CTNNA3: variants seen among roughly 807,000 people sequenced by gnomAD.
The protein encoded by CTNNA3 is catenin alpha 3, also known as catenin alpha-3.
Under a neutral mutation model 95.7 loss-of-function variants are expected in CTNNA3, and 76 were observed. The observed-to-expected ratio is 0.79, with a 90% CI of 0.66 to 0.96. The LOEUF (loss-of-function observed/expected upper bound fraction) is 0.96. Among genes scored for constraint, CTNNA3 ranks in the 40% least tolerant of loss-of-function variants. The pLI is 0.00. For missense variants in CTNNA3, 1,191 were observed against 1,089.8 expected (o/e 1.09, Z -1.31); for synonymous variants, 431 against 374.4 (o/e 1.15, Z -1.74).
intron 7 of CTNNA3, among the ~76,000 whole-genome samples, chr10:67,042,964 C>T (rs908850096): frequency 1.3e-5 from 2 of 151,942 alleles, no homozygotes; most frequent in African/African-American, 4.8e-5. Flanking sequence ...GAAAACTGAG[C>T]AGCTAGGTCT....
intron 14 of CTNNA3, among the ~76,000 whole-genome samples, chr10:66,089,759 A>AATATATATAT (rs35629436): frequency 1.3e-5 from 2 of 148,856 alleles, no homozygotes; most frequent in Non-Finnish European, 3.0e-5. Context: ...ATCTCAGAGA[A>AATATATATAT]ATATATATAT....
chr10:66,358,104 T>A (rs1242876063), intron 12 of CTNNA3, among the ~76,000 whole-genome samples: 1 of 152,176 alleles, frequency 6.6e-6, no homozygotes, highest in Non-Finnish European at 1.5e-5. Flanking sequence ...CCTGTTTCAT[T>A]CTTGATATTA....
intron 5 of CTNNA3, among the ~76,000 whole-genome samples, chr10:67,473,907 A>G (rs563105157): frequency 1.3e-5 from 2 of 152,268 alleles, no homozygotes; most frequent in South Asian, 4.1e-4. Context: ...GAGCCTTGAC[A>G]GGAATGTAGC....
intron 12 of CTNNA3, among the ~76,000 whole-genome samples, chr10:66,368,544 CTT>C (rs1283990633): frequency 1.3e-5 from 2 of 151,946 alleles, no homozygotes; most frequent in African/African-American, 4.8e-5. Context: ...TCAGTTTACT[CTT>C]GTGTTAGCTT....
At chr10:65,937,808 T>C (rs1589148675) in intron 17 of CTNNA3, among the ~76,000 whole-genome samples, 1 of 152,188 alleles carries the variant, frequency 6.6e-6, no homozygotes, top group African/African-American at 2.4e-5. Flanking sequence ...TAAAAGATTC[T>C]GGAGAAATGA....
At chr10:67,245,626 G>A (rs1393044193) in intron 5 of CTNNA3, among the ~76,000 whole-genome samples, 7 of 152,092 alleles carry the variant, frequency 4.6e-5, no homozygotes, top group African/African-American at 7.2e-5. Context: ...TTGGGAGGCC[G>A]AGGCGGGCGG....
intron 7 of CTNNA3, among the ~76,000 whole-genome samples, chr10:67,136,548 G>T (rs1860315841): frequency 6.6e-6 from 1 of 151,566 alleles, no homozygotes; most frequent in Non-Finnish European, 1.5e-5. Context: ...TAGAAAAAGA[G>T]AAAGAGAGAA....
intron 13 of CTNNA3, among the ~76,000 whole-genome samples, chr10:66,121,348 G>C (rs924209814): frequency 6.6e-6 from 1 of 152,110 alleles, no homozygotes; most frequent in African/African-American, 2.4e-5. Flanking sequence ...GCTAGTTGTA[G>C]CTAGAAATAG....
At chr10:66,976,920 T>A (rs7073258) in intron 7 of CTNNA3, among the ~76,000 whole-genome samples, 4,629 of 152,296 alleles carry the variant, frequency 0.03, 237 homozygotes, top group African/African-American at 0.11. Context: ...GTGCTTATCA[T>A]TTGGTTACTG....
At chr10:67,742,453 C>T (rs11497973) in intron 1 of CTNNA3, among the ~76,000 whole-genome samples, 19,110 of 150,868 alleles carry the variant, frequency 0.13, 1,866 homozygotes, top group Non-Finnish European at 0.16. Context: ...TTGAAACCAA[C>T]GAGAACAAAG....
chr10:66,648,165 C>A (rs1272319935), intron 9 of CTNNA3, among the ~76,000 whole-genome samples: 1 of 152,140 alleles, frequency 6.6e-6, no homozygotes, highest in African/African-American at 2.4e-5. Context: ...TAAACCCTGA[C>A]AGCTCATTAG....
chr10:67,139,846 A>C (rs903112142), intron 7 of CTNNA3, among the ~76,000 whole-genome samples: 1 of 152,236 alleles, frequency 6.6e-6, no homozygotes, highest in Non-Finnish European at 1.5e-5. Flanking sequence ...TTAAAAGTTC[A>C]GAAAAAAATG....
intron 5 of CTNNA3, among the ~76,000 whole-genome samples, chr10:67,471,219 T>C (rs1269254360): frequency 2.0e-5 from 3 of 152,194 alleles, no homozygotes; most frequent in Non-Finnish European, 2.9e-5. Flanking sequence ...ACATGGTAGA[T>C]ACCAATAGCA....
Position 67,566,041 on chromosome 10 carries a change from G to GTATATATATATATATATATATATA in CTNNA3, c.293-26373_293-26372insTATATATATATATATATATATATA, listed in dbSNP as rs1388066358. Among the ~76,000 whole-genome samples, 85 of 29,350 alleles carry GTATATATATATATATATATATATA rather than the reference G, an allele frequency of 2.9e-3. 1 individual carries two copies. The highest frequency in any genetic ancestry group is 5.6e-3 in the African/African-American group (41 of 7,320). The allele number at this position is 29,350 out of a possible 152,430, so 19.3% of individuals were successfully genotyped here. ...AACACACACACACACATATGTGTGTGTGTATATATATATATATATATATAT... is the reference window on the plus strand; with the variant it reads ...AACACACACACACACATATGTGTGTGTATATATATATATATATATATATATGTATATATATATATATATATATAT... On this transcript the variant is annotated intron_variant, in intron 3 of 17. Coordinates refer to ENST00000433211, the MANE Select transcript of CTNNA3 (RefSeq NM_013266.4).
At chr10:66,610,142 A>G (rs1022334494) in intron 10 of CTNNA3, among the ~76,000 whole-genome samples, 8 of 152,106 alleles carry the variant, frequency 5.3e-5, no homozygotes, top group Admixed American at 3.9e-4. Context: ...GAAAATAACT[A>G]ATGGGTACTA....
At position 67,102,437 on chromosome 10, in the gene CTNNA3, C is replaced by T. The variant is rs570099429; in HGVS notation, c.1047+77880G>A. On this transcript the variant is annotated intron_variant, in intron 7 of 17. Coordinates refer to ENST00000433211, the MANE Select transcript of CTNNA3 (RefSeq NM_013266.4). ...AGTTTTATTGTGAGATAGGAGGCAA[C>T]TTATATTTAATTTATTTAGGGTAAA... is the stretch of plus-strand genomic sequence containing the variant. Among the ~76,000 whole-genome samples the T allele has an allele frequency of 3.3e-5, 5 of 151,792 alleles. No individual in the cohort carries two copies. In the South Asian group the frequency reaches 1.0e-3, roughly 32 times the overall value.
At chr10:66,468,140 G>A (rs533958057) in intron 11 of CTNNA3, among the ~76,000 whole-genome samples, 6 of 152,056 alleles carry the variant, frequency 3.9e-5, no homozygotes, top group South Asian at 2.1e-4. Context: ...TTGGCTGTCC[G>A]AAGGAGCATG....
chr10:66,893,299 C>T (rs1376030710), intron 7 of CTNNA3, among the ~76,000 whole-genome samples: 1 of 152,014 alleles, frequency 6.6e-6, no homozygotes, highest in Non-Finnish European at 1.5e-5. Context: ...TGATTAACCG[C>T]TTACATAAAA....
chr10:67,489,767 G>A (rs374751364), intron 5 of CTNNA3, among the ~76,000 whole-genome samples: 2 of 146,804 alleles, frequency 1.4e-5, no homozygotes, highest in South Asian at 2.1e-4. Context: ...ATATACTTAA[G>A]TATATTTATA....
Sources: gnomAD v4.1 joint callset for allele counts (sites outside exome capture counted in the v4.1 genomes callset) on GRCh38, gnomAD v4.1.1 for gene constraint, MANE v1.5 for transcripts, NCBI Gene and HGNC (gene_info 2026-07-23, HGNC 2026-07-21) for gene names.